The following AMBRA1 variants were observed in gnomAD, a reference collection of about 807,000 sequenced individuals.
AMBRA1 encodes the protein activating molecule in BECN1-regulated autophagy protein 1.
In AMBRA1, 47 loss-of-function variants were observed where a neutral mutation model predicts 125.4. The ratio of observed to expected loss-of-function variants is 0.37; its 90% confidence interval spans 0.30 to 0.48. The LOEUF (loss-of-function observed/expected upper bound fraction) is 0.48, where lower values mean the gene tolerates loss of function less well. Among genes scored for constraint, AMBRA1 ranks in the 20% least tolerant of loss-of-function variants. The pLI is 0.99. For synonymous variants in AMBRA1, 626 were observed against 655.5 expected (o/e 0.95, Z 0.69); for missense variants, 1,331 against 1,693.4 (o/e 0.79, Z 3.76).
chr11:46,516,506 C>A (rs1253487071), intron 7 of AMBRA1, among the ~76,000 whole-genome samples: 1 of 147,512 alleles, frequency 6.8e-6, no homozygotes, highest in Non-Finnish European at 1.5e-5. Flanking sequence ...TCTCGGCTCA[C>A]TGCAAGCTCC....
intron 11 of AMBRA1, chr11:46,490,942 A>T (rs1349520047): frequency 6.6e-6 from 1 of 152,214 alleles, no homozygotes; most frequent in Non-Finnish European, 1.5e-5. Context: ...GGGAGTGCTT[A>T]CTGCTAAAAG....
At chr11:46,435,322 G>C (rs1349707929) in intron 12 of AMBRA1, among the ~76,000 whole-genome samples, 2 of 152,160 alleles carry the variant, frequency 1.3e-5, no homozygotes, top group African/African-American at 4.8e-5. Flanking sequence ...TGAGAGATTA[G>C]ATAAGGAAAA....
At chr11:46,548,548 G>T in intron 1 of AMBRA1, 48 bp from the exon 2 acceptor site, 1 of 707,236 alleles carries the variant, frequency 1.4e-6, no homozygotes, top group Non-Finnish European at 2.2e-6. Flanking sequence ...GCAACGAGAA[G>T]CTTCTAATTG....
At chr11:46,477,815 C>G (rs189101577) in intron 11 of AMBRA1, among the ~76,000 whole-genome samples, 3 of 152,016 alleles carry the variant, frequency 2.0e-5, no homozygotes, top group African/African-American at 4.8e-5. Context: ...GTGGCTCACG[C>G]CTGTAATCCC....
intron 11 of AMBRA1, among the ~76,000 whole-genome samples, chr11:46,469,563 A>G (rs970538503): frequency 6.6e-6 from 1 of 152,236 alleles, no homozygotes; most frequent in Admixed American, 6.5e-5. Context: ...CATTATATGA[A>G]AATATGTACA....
intron 7 of AMBRA1, among the ~76,000 whole-genome samples, chr11:46,525,449 C>T (rs891227622): frequency 2.0e-5 from 3 of 151,344 alleles, no homozygotes; most frequent in Admixed American, 6.6e-5. Flanking sequence ...AATACAAAAA[C>T]TTAGATGTGT....
intron 17 of AMBRA1, among the ~76,000 whole-genome samples, chr11:46,402,978 G>A (rs1282648611): frequency 6.6e-6 from 1 of 152,150 alleles, no homozygotes; most frequent in African/African-American, 2.4e-5. Context: ...AGGGCTAGAG[G>A]GAAATGGCAG....
intron 15 of AMBRA1, among the ~76,000 whole-genome samples, chr11:46,410,927 C>A (rs1946258213): frequency 1.3e-5 from 2 of 152,068 alleles, no homozygotes; most frequent in Admixed American, 6.6e-5. Flanking sequence ...ATTGTGAAAC[C>A]CTGTCTCTAC....
At chr11:46,543,854 C>A in intron 6 of AMBRA1, 121 bp downstream of exon 6, 1 of 844,242 alleles carries the variant, frequency 1.2e-6, no homozygotes. Flanking sequence ...AGCTTTAAAT[C>A]TTGACTGGAA....
chr11:46,427,023 T>A (rs1291729303), intron 14 of AMBRA1, among the ~76,000 whole-genome samples: 1 of 152,190 alleles, frequency 6.6e-6, no homozygotes, highest in Non-Finnish European at 1.5e-5. Flanking sequence ...GAATTCTAGG[T>A]CACTTTTGGA....
intron 15 of AMBRA1, among the ~76,000 whole-genome samples, chr11:46,412,453 TTTTTTTG>T (rs1946339838): frequency 6.6e-6 from 1 of 151,922 alleles, no homozygotes; most frequent in Admixed American, 6.6e-5. Context: ...CCTGGCTAAT[TTTTTTTG>T]TTTTTTGTTT....
At position 46,542,447 on chromosome 11, in the gene AMBRA1, C is replaced by G. The variant is rs762286361; in HGVS notation, c.1570G>C (p.Ala524Pro). 8.7e-6 allele frequency: 14 copies of G among 1,613,892 alleles called. No homozygotes were observed. Among genetic ancestry groups the G allele is most frequent in the Non-Finnish European group, 1.7e-6 (2 of 1,180,028 alleles). ...TCCTGGGCCTGTTGGGTCTGGGGAG[C>G]TTCCCCACTCAGGCTCTGATCCAGC... ...QELDQSLSGE[A>P]PQTQQAQEML... The change falls in exon 7 of 18, where the codon GCT (alanine) becomes CCT (proline). Residue 524 changes from alanine (A) to proline (P), a missense_variant. Ala to Pro is a conservative substitution (Grantham distance 27, BLOSUM62 -1). Transcript: ENST00000683756. The surrounding 1 kb of genome is among the most constrained non-coding windows in gnomAD (Gnocchi z 5.9).
intron 7 of AMBRA1, among the ~76,000 whole-genome samples, chr11:46,513,062 G>C (rs911300017): frequency 1.3e-5 from 2 of 152,148 alleles, no homozygotes; most frequent in Non-Finnish European, 1.5e-5. Context: ...AAATGAACAA[G>C]TGCTTCAGAG....
chr11:46,553,652 G>A (rs2043081482), intron 1 of AMBRA1, among the ~76,000 whole-genome samples: 1 of 152,062 alleles, frequency 6.6e-6, no homozygotes, highest in African/African-American at 2.4e-5. Flanking sequence ...AGCTAAGTTG[G>A]GAGAATCGCT....
At chr11:46,588,000 C>G (rs1359218558) in intron 1 of AMBRA1, among the ~76,000 whole-genome samples, 3 of 151,970 alleles carry the variant, frequency 2.0e-5, no homozygotes, top group African/African-American at 4.8e-5. Flanking sequence ...GATTATTAAC[C>G]CTAAGAGCAG....
chr11:46,450,967 G>A (rs193199475), intron 11 of AMBRA1, among the ~76,000 whole-genome samples: 93 of 152,264 alleles, frequency 6.1e-4, no homozygotes, highest in African/African-American at 2.1e-3. Flanking sequence ...TAAGGGGAGG[G>A]AGTATATGGG....
intron 9 of AMBRA1, among the ~76,000 whole-genome samples, chr11:46,507,962 A>G (rs1007193891): frequency 2.0e-5 from 3 of 152,216 alleles, no homozygotes; most frequent in African/African-American, 2.4e-5. Context: ...CTGGGGCCCA[A>G]TGGGAGGTCT....
intron 7 of AMBRA1, among the ~76,000 whole-genome samples, chr11:46,515,367 G>A (rs934653603): frequency 3.3e-5 from 5 of 152,114 alleles, no homozygotes; most frequent in African/African-American, 1.2e-4. Context: ...CAGCTATTTG[G>A]AAGGCTGAGG....
intron 11 of AMBRA1, among the ~76,000 whole-genome samples, chr11:46,465,481 A>G (rs1273013951): frequency 1.3e-5 from 2 of 152,156 alleles, no homozygotes; most frequent in African/African-American, 4.8e-5. Flanking sequence ...AGTTTTTACC[A>G]TATTTTCTCA....
Sources: gnomAD v4.1 joint callset for allele counts (sites outside exome capture counted in the v4.1 genomes callset) on GRCh38, gnomAD v4.1.1 for gene constraint, Gnocchi (gnomAD v3.1) non-coding constraint, MANE v1.5 for transcripts, NCBI Gene and HGNC (gene_info 2026-07-23, HGNC 2026-07-21) for gene names.